Variants in ILKAP observed in about 807,000 individuals in gnomAD.
The protein encoded by ILKAP is integrin-linked kinase-associated serine/threonine phosphatase 2C.
Under a neutral mutation model 49.1 loss-of-function variants are expected in ILKAP, and 11 were observed. The observed-to-expected ratio is 0.22, with a 90% CI of 0.14 to 0.37. ILKAP has a LOEUF of 0.37. Ranked by LOEUF, ILKAP falls within the 10% of genes least tolerant of loss-of-function variation. The pLI is 1.00. For missense variants in ILKAP, 363 were observed against 510.8 expected (o/e 0.71, Z 2.79); for synonymous variants, 186 against 192.8 (o/e 0.96, Z 0.29).
chr2:238,192,578 T>C (rs112107802), intron 3 of ILKAP, among the ~76,000 whole-genome samples: 21,033 of 151,848 alleles, frequency 0.14, 1,745 homozygotes, highest in Middle Eastern at 0.22. Context: ...CGGGAGCCTG[T>C]AGTCCCAGCT....
chr2:238,190,078 G>A (rs1013869541), intron 3 of ILKAP, 106 bp from the exon 4 acceptor site: 1 of 1,231,120 alleles, frequency 8.1e-7, no homozygotes, highest in African/African-American at 1.5e-5. Flanking sequence ...GTCATTTGAA[G>A]CAAGGACTGG....
rs756285433 is a variant in ILKAP at position 238,185,188 on chromosome 2, A to G, written c.525T>C (p.Phe175=). The G allele has an allele frequency of 1.2e-6, 2 of 1,605,512 alleles. No homozygotes were observed. The highest frequency in any genetic ancestry group is 1.1e-5 in the South Asian group (1 of 90,812). Residue 175 remains phenylalanine (F), a synonymous_variant, in exon 6 of 12, where the codon TTT becomes TTC. Transcript: ENST00000254654. ...TTTAGTTCTCAGTCTCACCTTTAGG[A>G]AATTTTCTGATTAAGTTTTGATGCA... ...QNLHQNLIRK[F]PKGDVISVEK... is the part of the protein sequence containing the mutation.
At chr2:238,173,727 A>C in intron 9 of ILKAP, 74 bp from the exon 10 acceptor site, 1 of 1,489,490 alleles carries the variant, frequency 6.7e-7, no homozygotes. Flanking sequence ...ATCTCACCTT[A>C]AAAGCAGAGA....
chr2:238,175,657 C>G (rs967395951), intron 9 of ILKAP, among the ~76,000 whole-genome samples: 1 of 152,212 alleles, frequency 6.6e-6, no homozygotes, highest in Non-Finnish European at 1.5e-5. Context: ...CATGCCACCT[C>G]TGTTCTGGAA....
intron 1 of ILKAP, among the ~76,000 whole-genome samples, chr2:238,196,753 T>C (rs1432778041): frequency 6.6e-6 from 1 of 152,228 alleles, no homozygotes; most frequent in African/African-American, 2.4e-5. Flanking sequence ...AAAATAACTA[T>C]TTTGCTTTAT....
At chr2:238,189,996 C>T in intron 3 of ILKAP, 24 bp from the exon 4 acceptor site, 2 of 1,612,700 alleles carry the variant, frequency 1.2e-6, no homozygotes, top group Non-Finnish European at 1.7e-6. Flanking sequence ...AAAAGCCAGA[C>T]AGAAACACAG....
At chr2:238,182,244 A>G in intron 8 of ILKAP, 58 bp from the exon 9 acceptor site, 1 of 1,594,058 alleles carries the variant, frequency 6.3e-7, no homozygotes, top group Non-Finnish European at 8.6e-7. Flanking sequence ...ATCTAAAGGT[A>G]CCAGTTGAAA....
At chr2:238,180,963 T>C (rs1270788790) in intron 9 of ILKAP, among the ~76,000 whole-genome samples, 1 of 152,238 alleles carries the variant, frequency 6.6e-6, no homozygotes, top group African/African-American at 2.4e-5. Context: ...GGACAGTAGT[T>C]ACGGTGGCAA....
chr2:238,174,254 G>C (rs773893122), intron 9 of ILKAP, among the ~76,000 whole-genome samples: 1 of 152,168 alleles, frequency 6.6e-6, no homozygotes, highest in Non-Finnish European at 1.5e-5. Context: ...AGGGGATATG[G>C]AGGAGATGGG....
intron 3 of ILKAP, 119 bp from the exon 4 acceptor site, chr2:238,190,091 G>A: frequency 2.0e-6 from 2 of 1,007,774 alleles, no homozygotes; most frequent in African/African-American, 1.6e-5. Flanking sequence ...AGGACTGGCA[G>A]ACACAGGCAG....
intron 8 of ILKAP, among the ~76,000 whole-genome samples, chr2:238,183,212 A>G (rs1263487170): frequency 1.3e-5 from 2 of 152,112 alleles, no homozygotes; most frequent in African/African-American, 4.8e-5. Flanking sequence ...CTCATCTGGT[A>G]TTTTCTAGCT....
intron 3 of ILKAP, among the ~76,000 whole-genome samples, chr2:238,192,173 C>T (rs971105708): frequency 2.7e-5 from 4 of 148,054 alleles, no homozygotes; most frequent in African/African-American, 1.0e-4. Context: ...CAACACTGCA[C>T]TCCAGCCTGC....
At chr2:238,179,822 T>A (rs986915916) in intron 9 of ILKAP, among the ~76,000 whole-genome samples, 2 of 151,818 alleles carry the variant, frequency 1.3e-5, no homozygotes, top group Non-Finnish European at 2.9e-5. Flanking sequence ...CGTAAAAAAA[T>A]ACGCAGGTTC....
intron 10 of ILKAP, among the ~76,000 whole-genome samples, chr2:238,173,240 C>G (rs536384959): frequency 2.0e-5 from 3 of 152,258 alleles, no homozygotes; most frequent in Admixed American, 6.5e-5. Flanking sequence ...TTCCCTCTGC[C>G]AGGAAGCCCC....
chr2:238,176,913 T>G (rs754808740), intron 9 of ILKAP, among the ~76,000 whole-genome samples: 13 of 152,206 alleles, frequency 8.5e-5, no homozygotes, highest in Non-Finnish European at 1.2e-4. Flanking sequence ...TCCAACATAT[T>G]AATACAATGA....
At chr2:238,176,192 G>A (rs1385568219) in intron 9 of ILKAP, among the ~76,000 whole-genome samples, 2 of 133,790 alleles carry the variant, frequency 1.5e-5, no homozygotes, top group African/African-American at 5.7e-5. Flanking sequence ...GGAGTGCAGT[G>A]GCATGATCTC....
chr2:238,194,726 G>A (rs1050974088), intron 2 of ILKAP, 79 bp downstream of exon 2: 1 of 1,404,580 alleles, frequency 7.1e-7, no homozygotes, highest in Non-Finnish European at 1.0e-6. Context: ...ATGGGGGAAA[G>A]GGAAAAAGAT....
intron 1 of ILKAP, among the ~76,000 whole-genome samples, chr2:238,202,875 T>C (rs1428843381): frequency 7.1e-6 from 1 of 140,870 alleles, no homozygotes. Flanking sequence ...AGGGGGAACT[T>C]CCCGTGGACC....
intron 9 of ILKAP, among the ~76,000 whole-genome samples, chr2:238,177,769 C>G (rs1290353828): frequency 6.6e-6 from 1 of 152,138 alleles, no homozygotes; most frequent in African/African-American, 2.4e-5. Context: ...GTGAATAATG[C>G]TGCTGTGAAC....
Sources: gnomAD v4.1 joint callset for allele counts (sites outside exome capture counted in the v4.1 genomes callset) on GRCh38, gnomAD v4.1.1 for gene constraint, MANE v1.5 for transcripts, NCBI Gene and HGNC (gene_info 2026-07-23, HGNC 2026-07-21) for gene names.